Variants in PARL observed in about 807,000 individuals in gnomAD.
The protein encoded by PARL is presenilin associated rhomboid like, also known as presenilin-associated rhomboid-like protein, mitochondrial.
A neutral mutation model predicts 51.6 loss-of-function variants in PARL; 44 were observed. The ratio of observed to expected loss-of-function variants is 0.85; its 90% CI spans 0.67 to 1.10. The LOEUF (loss-of-function observed/expected upper bound fraction) is 1.10, where lower values mean the gene tolerates loss of function less well. Among genes scored for constraint, PARL ranks in the 50% least tolerant of loss-of-function variants. PARL has a pLI of 0.00. For missense variants in PARL, 441 were observed against 469.5 expected (o/e 0.94, Z 0.56); for synonymous variants, 172 against 164.0 (o/e 1.05, Z -0.37).
chr3:183,862,271 GGACA>G (rs1213838967), intron 4 of PARL, among the ~76,000 whole-genome samples: 2 of 152,174 alleles, frequency 1.3e-5, no homozygotes, highest in Non-Finnish European at 2.9e-5. Flanking sequence ...GTTTTCGAAT[GGACA>G]GACTTGGGTT....
intron 1 of PARL, chr3:183,883,590 C>G: frequency 4.1e-6 from 4 of 985,144 alleles, no homozygotes; most frequent in Non-Finnish European, 4.8e-6. Context: ...TCTTTTCTTT[C>G]CCCCTTAAAC....
intron 7 of PARL, among the ~76,000 whole-genome samples, chr3:183,836,217 C>CAAAAAAAAAAAA (rs56354792): frequency 5.9e-5 from 5 of 84,254 alleles, no homozygotes; most frequent in African/African-American, 2.6e-4. Context: ...AACTCCATCT[C>CAAAAAAAAAAAA]AAAAAAAAAA....
intron 1 of PARL, among the ~76,000 whole-genome samples, chr3:183,868,451 C>T (rs929233296): frequency 1.3e-4 from 20 of 152,066 alleles, no homozygotes; most frequent in African/African-American, 4.8e-4. Context: ...CGATTACTCC[C>T]TCCCTCTGTC....
chr3:183,829,415 T>G lies in PARL; in HGVS notation c.*183A>C. The G allele has an allele frequency of 1.3e-6, 2 of 1,544,918 alleles. No homozygotes were observed. Among genetic ancestry groups the G allele is most frequent in the Non-Finnish European group, 1.7e-6 (2 of 1,149,920 alleles). On this transcript the variant is annotated 3_prime_UTR_variant, in exon 10 of 10. Transcript: ENST00000317096. Reference sequence around the variant, plus strand: ...TTACAAACTAGATAGAAACCTTTATTTCACAACTTTATCATCATTCACATT... The same window carrying G: ...TTACAAACTAGATAGAAACCTTTATGTCACAACTTTATCATCATTCACATT...
Position 183,884,812 on chromosome 3 carries a change from C to T in PARL, c.35G>A (p.Gly12Asp), listed in dbSNP as rs1472547687. The T allele has an allele frequency of 1.3e-6, 2 of 1,597,146 alleles. No individual in the cohort carries two copies. The highest frequency in any genetic ancestry group is 1.1e-5 in the South Asian group (1 of 90,556). The change falls in exon 1 of 10, where the codon GGC becomes GAC. Residue 12 changes from glycine (G) to aspartate (D), a missense_variant. Transcript: ENST00000317096. ...AWRGWAQRGW[G>D]CGQAWGASVG... ...CGACGCACCCCACGCCTGGCCGCAG[C>T]CCCAGCCTCTCTGCGCCCAGCCTCG...
At chr3:183,854,300 T>C (rs1214666136) in intron 4 of PARL, among the ~76,000 whole-genome samples, 2 of 152,172 alleles carry the variant, frequency 1.3e-5, no homozygotes, top group East Asian at 1.9e-4. Flanking sequence ...CCCATTTTCA[T>C]AGCAGCATTA....
intron 4 of PARL, among the ~76,000 whole-genome samples, chr3:183,855,885 G>A (rs1242377078): frequency 7.9e-5 from 12 of 151,950 alleles, no homozygotes; most frequent in African/African-American, 1.7e-4. Context: ...ACCTGAATCC[G>A]GGAGAGATTG....
At chr3:183,838,250 C>CA (rs1402828588) in intron 7 of PARL, among the ~76,000 whole-genome samples, 1 of 152,086 alleles carries the variant, frequency 6.6e-6, no homozygotes, top group Admixed American at 6.5e-5. Flanking sequence ...TAGTCTCAAA[C>CA]CTCCTGGGCT....
At chr3:183,879,648 G>T in intron 1 of PARL, 1 of 568,216 alleles carries the variant, frequency 1.8e-6, no homozygotes, top group Non-Finnish European at 2.2e-6. Context: ...GATGCTTTTA[G>T]ATGTAGTATG....
chr3:183,853,311 C>A (rs934136697), intron 4 of PARL, among the ~76,000 whole-genome samples: 5 of 152,046 alleles, frequency 3.3e-5, no homozygotes, highest in Non-Finnish European at 7.4e-5. Flanking sequence ...GCCTGTAAAC[C>A]CAGCACTTTG....
At chr3:183,831,943 C>CGGAA (rs1727988887) in intron 9 of PARL, among the ~76,000 whole-genome samples, 1 of 151,990 alleles carries the variant, frequency 6.6e-6, no homozygotes, top group Non-Finnish European at 1.5e-5. Context: ...TGGAAAAAGG[C>CGGAA]CACCTAATTA....
chr3:183,831,219 A>G (rs1727902084), intron 9 of PARL, among the ~76,000 whole-genome samples: 3 of 152,138 alleles, frequency 2.0e-5, no homozygotes, highest in African/African-American at 7.2e-5. Context: ...CAAGTGATCT[A>G]CTTGCCTCAG....
At chr3:183,868,125 C>T in intron 1 of PARL, 65 bp from the exon 2 acceptor site, 1 of 1,187,122 alleles carries the variant, frequency 8.4e-7, no homozygotes. Flanking sequence ...TTCTATGAAC[C>T]TCCACTTGGC....
chr3:183,858,260 T>C (rs1050973120), intron 4 of PARL, among the ~76,000 whole-genome samples: 4 of 152,060 alleles, frequency 2.6e-5, no homozygotes, highest in African/African-American at 7.2e-5. Context: ...ACATCAGGAA[T>C]AGGTAAGGAG....
At chr3:183,829,752 A>G (rs1727706082) in intron 9 of PARL, 43 bp from the exon 10 acceptor site, 1 of 1,482,788 alleles carries the variant, frequency 6.7e-7, no homozygotes, top group Admixed American at 1.7e-5. Context: ...ACAGTGTGAC[A>G]TACAAATGGT....
At position 183,867,906 on chromosome 3, in the gene PARL, G is replaced by A; in HGVS notation, c.280C>T (p.Pro94Ser). Reference protein sequence around the residue: ...EETVFYPSPYPIRSLIKPLFF... With the variant: ...EETVFYPSPYSIRSLIKPLFF... ...AAAGGTTTTATGAGACTCCTTATAG[G>A]ATAGGGAGAAGGATAAAAGACTGTT... is the stretch of plus-strand genomic sequence containing the variant. The change falls in exon 2 of 10, where the codon CCT becomes TCT. Residue 94 changes from proline (P) to serine (S), a missense_variant. Pro to Ser is a moderately conservative substitution (Grantham distance 74). Coordinates refer to ENST00000317096, the MANE Select transcript of PARL (RefSeq NM_018622.7). The A allele has an allele frequency of 6.2e-7, 1 of 1,613,518 alleles. No individual in the cohort carries two copies. Among genetic ancestry groups the A allele is most frequent in the South Asian group, 1.1e-5 (1 of 91,052 alleles).
intron 4 of PARL, among the ~76,000 whole-genome samples, chr3:183,853,617 T>C (rs1332099127): frequency 6.6e-6 from 1 of 152,124 alleles, no homozygotes; most frequent in African/African-American, 2.4e-5. Flanking sequence ...ACTCGAGTAC[T>C]TGAAATACAT....
At chr3:183,833,451 C>T (rs780324438) in intron 9 of PARL, 41 bp downstream of exon 9, 1 of 1,230,366 alleles carries the variant, frequency 8.1e-7, no homozygotes, top group Non-Finnish European at 1.2e-6. Context: ...GAGCGCATGA[C>T]CCAAGGAAGC....
At chr3:183,876,293 C>T (rs549995442) in intron 1 of PARL, among the ~76,000 whole-genome samples, 8 of 152,244 alleles carry the variant, frequency 5.3e-5, no homozygotes, top group African/African-American at 1.7e-4. Context: ...GCGATCCGCC[C>T]GTGTTGGCCT....
Sources: allele counts gnomAD v4.1 joint callset (sites outside exome capture counted in the v4.1 genomes callset), GRCh38; gene constraint gnomAD v4.1.1; transcripts MANE v1.5; gene names NCBI Gene and HGNC (gene_info 2026-07-23, HGNC 2026-07-21).